The following CDK5RAP2 variants were observed in gnomAD, a reference collection of about 807,000 sequenced individuals.
CDK5RAP2 encodes CDK5 regulatory subunit associated protein 2, also known as CDK5 regulatory subunit-associated protein 2.
In CDK5RAP2, 147 loss-of-function variants were observed where a neutral mutation model predicts 232.9. That is an observed-to-expected ratio of 0.63 (90% CI 0.55 to 0.72). The LOEUF is 0.72. Among genes scored for constraint, CDK5RAP2 ranks in the 30% least tolerant of loss-of-function variants. The pLI is 0.00. For synonymous variants in CDK5RAP2, 833 were observed against 833.7 expected (o/e 1.00, Z 0.01); for missense variants, 2,195 against 2,231.5 (o/e 0.98, Z 0.33).
intron 12 of CDK5RAP2, among the ~76,000 whole-genome samples, chr9:120,513,414 C>A (rs2040184111): frequency 6.6e-6 from 1 of 152,176 alleles, no homozygotes; most frequent in South Asian, 2.1e-4. Flanking sequence ...GCATCCAAGG[C>A]TCTCCACAAG....
At chr9:120,417,642 GGAC>G (rs2034310878) in intron 27 of CDK5RAP2, among the ~76,000 whole-genome samples, 2 of 152,166 alleles carry the variant, frequency 1.3e-5, no homozygotes, top group African/African-American at 4.8e-5. Flanking sequence ...CAGTTGAACT[GGAC>G]ACCACTTATT....
intron 36 of CDK5RAP2, among the ~76,000 whole-genome samples, chr9:120,392,086 C>A (rs1251178262): frequency 1.3e-5 from 2 of 152,152 alleles, no homozygotes; most frequent in African/African-American, 4.8e-5. Flanking sequence ...TGATTTGCCA[C>A]CTCCATGCAT....
chr9:120,522,826 C>A (rs2040729949), intron 11 of CDK5RAP2, among the ~76,000 whole-genome samples: 1 of 152,190 alleles, frequency 6.6e-6, no homozygotes, highest in South Asian at 2.1e-4. Flanking sequence ...TTAACTCATG[C>A]TGCAATTGGC....
At position 120,493,485 on chromosome 9, in the gene CDK5RAP2, T is replaced by C. The variant is rs555138895; in HGVS notation, c.1312-2008A>G. ...AAAAGAAGGAATAATGAAATCAAAT[T>C]ATCACCATTTGCAAATGATCAATAG... is the stretch of plus-strand genomic sequence containing the variant. On this transcript the variant is annotated intron_variant, in intron 12 of 37. Transcript: ENST00000349780. 2.6e-5 allele frequency among the ~76,000 whole-genome samples: 4 copies of C among 152,312 alleles called. No individual in the cohort carries two copies. In the South Asian group the frequency reaches 8.3e-4, roughly 32 times the overall value.
chr9:120,446,110 T>C (rs761328983), intron 22 of CDK5RAP2, among the ~76,000 whole-genome samples: 4 of 152,206 alleles, frequency 2.6e-5, no homozygotes, highest in Admixed American at 2.6e-4. Context: ...AGAGTCTCTA[T>C]GGTAACTACT....
chr9:120,407,296 G>A, intron 31 of CDK5RAP2, 48 bp from the exon 32 acceptor site: 2 of 1,434,174 alleles, frequency 1.4e-6, no homozygotes, highest in Non-Finnish European at 2.0e-6. Flanking sequence ...ACAACCAAAG[G>A]GTCAGCCATC....
chr9:120,545,134 A>G (rs544304842), intron 5 of CDK5RAP2, among the ~76,000 whole-genome samples: 1 of 150,004 alleles, frequency 6.7e-6, no homozygotes, highest in East Asian at 1.9e-4. Context: ...GATCTTAAAG[A>G]AAAAAAAAAG....
intron 13 of CDK5RAP2, among the ~76,000 whole-genome samples, chr9:120,489,249 C>A (rs770760018): frequency 1.2e-4 from 18 of 152,182 alleles, no homozygotes; most frequent in Non-Finnish European, 2.5e-4. Context: ...GACCTGTATT[C>A]TCCTCTCTGT....
chr9:120,447,956 C>T lies in CDK5RAP2; in HGVS notation c.2964G>A (p.Lys988=), dbSNP rs1022132680. 2.5e-6 allele frequency: 4 copies of T among 1,614,052 alleles called. No homozygotes were observed. The African/African-American group carries it at 5.3e-5, about 22-fold the overall frequency. The change falls in exon 22 of 38, where the codon AAG becomes AAA. Residue 988 remains lysine (K), a synonymous_variant. Coordinates refer to ENST00000349780, the MANE Select transcript of CDK5RAP2 (RefSeq NM_018249.6). ...FKTCNKQLHQ[K]LILAEAVMEG... ...CCATCACTGCTTCAGCCAGAATTAA[C>T]TTTTGGTGAAGTTGCTTATTACAAG...
rs2034454644 is a variant in CDK5RAP2, at chr9:120,419,788, C to G, written c.4177G>C (p.Asp1393His). Residue 1393 changes from aspartate (D) to histidine (H), a missense_variant and splice_region_variant, in exon 27 of 38, where the codon GAC becomes CAC. Asp to His is a moderately conservative substitution (Grantham distance 81). Transcript: ENST00000349780. ...TSVMVNSFSQ[D>H]LLMEHIQEIR... ...AAACACTTAATGAGGCTTAGCTTAC[C>G]TTGAGAAAAACTGTTCACCATAACT... The G allele has an allele frequency of 6.2e-7, 1 of 1,612,476 alleles. No individual in the cohort carries two copies. The highest frequency in any genetic ancestry group is 1.3e-5 in the African/African-American group (1 of 75,002).
intron 12 of CDK5RAP2, among the ~76,000 whole-genome samples, chr9:120,495,867 CG>C (rs1564297625): frequency 3.7e-4 from 11 of 29,612 alleles, no homozygotes; most frequent in African/African-American, 1.5e-3. Context: ...TCTGCCCGGC[CG>C]CCCCTACTGG....
intron 23 of CDK5RAP2, among the ~76,000 whole-genome samples, chr9:120,441,361 C>T (rs951027499): frequency 6.6e-6 from 1 of 152,102 alleles, no homozygotes; most frequent in East Asian, 1.9e-4. Flanking sequence ...ATGGAAAGAA[C>T]ATCACTGAAA....
intron 28 of CDK5RAP2, among the ~76,000 whole-genome samples, chr9:120,414,221 T>C (rs1261117554): frequency 1.3e-5 from 2 of 152,236 alleles, no homozygotes; most frequent in Non-Finnish European, 2.9e-5. Context: ...CCCTGTTCTA[T>C]GAAACAATTA....
At chr9:120,549,960 A>C (rs2041990658) in intron 4 of CDK5RAP2, among the ~76,000 whole-genome samples, 1 of 152,204 alleles carries the variant, frequency 6.6e-6, no homozygotes, top group Non-Finnish European at 1.5e-5. Context: ...CATCTGCTGA[A>C]ACTCAAGGAG....
At position 120,556,335 on chromosome 9, in the gene CDK5RAP2, C is replaced by T. The variant is rs1039655320; in HGVS notation, c.196-5433G>A. On this transcript the variant is annotated intron_variant, in intron 3 of 37. Transcript: ENST00000349780. Reference sequence around the variant, plus strand: ...CAAAATGTGAAAAGCTACACTTGGACGCTAGTACATCTTCACACATAAACA... The same window carrying T: ...CAAAATGTGAAAAGCTACACTTGGATGCTAGTACATCTTCACACATAAACA... Among the ~76,000 whole-genome samples the T allele has an allele frequency of 7.2e-5, 11 of 151,908 alleles. No individual in the cohort carries two copies. The East Asian group carries it at 7.7e-4, about 11-fold the overall frequency.
rs1489603735 is a variant in CDK5RAP2, at chr9:120,550,774, G to C, written c.306+18C>G. 9 of 1,342,442 alleles carry C rather than the reference G, an allele frequency of 6.7e-6. No individual in the cohort carries two copies. The highest frequency in any genetic ancestry group is 9.7e-6 in the Non-Finnish European group (9 of 931,702). 83.2% of individuals were successfully genotyped at this position (1,342,442 alleles called of 1,614,324 possible). ...GAGAAAGGACACAAGGGACAGTAAT[G>C]AGAAATGGGCCACTCACAGTTTTGT... On this transcript the variant is annotated intron_variant, in intron 4 of 37. Coordinates refer to ENST00000349780, the MANE Select transcript of CDK5RAP2 (RefSeq NM_018249.6).
rs2031666056 is a variant in CDK5RAP2, at chr9:120,389,084, C to T, written c.*152G>A. The T allele has an allele frequency of 4.1e-6, 3 of 735,348 alleles. No homozygotes were observed. The highest frequency in any genetic ancestry group is 6.9e-6 in the Non-Finnish European group (3 of 436,120). 45.6% of individuals were successfully genotyped at this position (735,348 alleles called of 1,614,324 possible). A position where few individuals can be genotyped will look rare whatever the true frequency, so the allele number is the denominator to read the frequency against. ...CACCTTTCTGACAACAACTCTCAAG[C>T]CAACTTTCAGAGAGAAAACATGAAG... On this transcript the variant is annotated 3_prime_UTR_variant, in exon 38 of 38. Coordinates refer to ENST00000349780, the MANE Select transcript of CDK5RAP2 (RefSeq NM_018249.6).
chr9:120,475,742 C>A (rs1472599775), intron 15 of CDK5RAP2, among the ~76,000 whole-genome samples: 1 of 152,150 alleles, frequency 6.6e-6, no homozygotes, highest in African/African-American at 2.4e-5. Flanking sequence ...ATGAAAAAAT[C>A]TGGAAATTAT....
Position 120,528,755 on chromosome 9 carries a change from C to CTT in CDK5RAP2, c.866_867dup (p.Glu290LysfsTer11). On this transcript the variant is annotated frameshift_variant, in exon 9 of 38. Transcript: ENST00000349780. LOFTEE classifies it high-confidence loss of function. ...TTGTATCAACATACCTGGATCCTCT[C>CTT]TTCAAAGCTGTTTCTCTCCTTCTGA... is the stretch of plus-strand genomic sequence containing the variant. 6.2e-7 allele frequency: 1 copy of CTT among 1,605,268 alleles called. No homozygotes were observed. The highest frequency in any genetic ancestry group is 1.1e-5 in the South Asian group (1 of 90,862).
Sources: gnomAD v4.1 joint callset for allele counts (sites outside exome capture counted in the v4.1 genomes callset) on GRCh38, gnomAD v4.1.1 for gene constraint, MANE v1.5 for transcripts, NCBI Gene and HGNC (gene_info 2026-07-23, HGNC 2026-07-21) for gene names.